The following UNKL variants were observed in gnomAD, a reference collection of about 807,000 sequenced individuals.
UNKL encodes unk like zinc finger.
UNKL carries 60 observed loss-of-function variants against 78.0 expected under a neutral mutation model. The observed-to-expected ratio is 0.77, with a 90% confidence interval of 0.63 to 0.95. The LOEUF is 0.95. Ranked by LOEUF, UNKL falls within the 40% of genes least tolerant of loss-of-function variation. UNKL has a pLI of 0.00. For synonymous variants in UNKL, 608 were observed against 474.8 expected (o/e 1.28, Z -3.65); for missense variants, 1,159 against 1,045.7 (o/e 1.11, Z -1.49).
chr16:1,372,853 C>T (rs1267423364), intron 10 of UNKL, among the ~76,000 whole-genome samples: 1 of 142,802 alleles, frequency 7.0e-6, no homozygotes, highest in African/African-American at 2.6e-5. Flanking sequence ...TGCCGGCCTA[C>T]ACTGCACAGA....
rs949724018 is a variant in UNKL, at chr16:1,372,482, C to T, written c.1265-871G>A. 2.6e-5 allele frequency among the ~76,000 whole-genome samples: 4 copies of T among 152,162 alleles called. No individual in the cohort carries two copies. The East Asian group carries it at 7.8e-4, about 30-fold the overall frequency. On this transcript the variant is annotated intron_variant, in intron 10 of 14. Coordinates refer to ENST00000389221, the MANE Select transcript of UNKL (RefSeq NM_001372107.1). Reference sequence around the variant, plus strand: ...CAGGCCGTGGGGCTGCCCTCCTGCACGGGCCCTTCCCTCCCAAGTCCCCAC... The same window carrying T: ...CAGGCCGTGGGGCTGCCCTCCTGCATGGGCCCTTCCCTCCCAAGTCCCCAC...
chr16:1,405,511 G>A (rs1396576209), intron 2 of UNKL, among the ~76,000 whole-genome samples: 1 of 151,952 alleles, frequency 6.6e-6, no homozygotes, highest in Non-Finnish European at 1.5e-5. Context: ...GGGAGGCGGG[G>A]GTTGCAGTGA....
At chr16:1,405,525 G>A (rs572463952) in intron 2 of UNKL, among the ~76,000 whole-genome samples, 93 of 151,786 alleles carry the variant, frequency 6.1e-4, no homozygotes, top group African/African-American at 1.9e-3. Context: ...GCAGTGAACC[G>A]AGATCGCGCC....
In UNKL at chr16:1,399,246, C is replaced by T; in HGVS notation, c.734+128G>A. ...AGCCACTGTGCTTGGAGATGCCCTC[C>T]CCTCCCGGGGATGATGGTGCCACAA... On this transcript the variant is annotated intron_variant, in intron 5 of 14. Transcript: ENST00000389221. The surrounding 1 kb of genome is among the most constrained non-coding windows in gnomAD (Gnocchi z 5.8). The T allele has an allele frequency of 7.2e-7, 1 of 1,394,838 alleles. No individual in the cohort carries two copies. The highest frequency in any genetic ancestry group is 9.4e-7 in the Non-Finnish European group (1 of 1,065,310). 86.4% of individuals were successfully genotyped at this position (1,394,838 alleles called of 1,614,324 possible).
At position 1,401,586 on chromosome 16, in the gene UNKL, C is replaced by T. The variant is rs763363221; in HGVS notation, c.580G>A (p.Glu194Lys). Reference sequence around the variant, plus strand: ...GAGTTACCTTGCCACCGGGGGTCCTCGCTCAGGATCTTCTCAATCATGGCC... The same window carrying T: ...GAGTTACCTTGCCACCGGGGGTCCTTGCTCAGGATCTTCTCAATCATGGCC... ...SQAMIEKILS[E>K]DPRWQDANFV... is the part of the protein sequence containing the mutation. Residue 194 changes from glutamate (E) to lysine (K), a missense_variant, in exon 4 of 15, where the codon GAG (glutamate) becomes AAG (lysine). Physicochemically the swap from Glu to Lys is moderately conservative, Grantham distance 56. Transcript: ENST00000389221. 2.5e-6 allele frequency: 4 copies of T among 1,594,000 alleles called. No individual in the cohort carries two copies. Among genetic ancestry groups the T allele is most frequent in the African/African-American group, 2.7e-5 (2 of 74,328 alleles).
chr16:1,394,734 A>AC (rs1254849559), intron 6 of UNKL, among the ~76,000 whole-genome samples: 8 of 152,046 alleles, frequency 5.3e-5, no homozygotes, highest in Non-Finnish European at 1.2e-4. Context: ...TCCGTAAAGG[A>AC]CACGGCACCT....
At chr16:1,412,783 C>T (rs544219295) in intron 2 of UNKL, among the ~76,000 whole-genome samples, 51 of 152,262 alleles carry the variant, frequency 3.3e-4, no homozygotes, top group African/African-American at 1.2e-3. Context: ...CCTGGCCGGG[C>T]GCAGTGGATC....
intron 3 of UNKL, among the ~76,000 whole-genome samples, chr16:1,402,897 CAGG>C (rs2037591160): frequency 6.6e-6 from 1 of 151,756 alleles, no homozygotes; most frequent in South Asian, 2.1e-4. Context: ...GCAGCGGAGG[CAGG>C]AGAATGGTGT....
At chr16:1,414,171 A>G in intron 1 of UNKL, 116 bp from the exon 2 acceptor site, 1 of 1,068,288 alleles carries the variant, frequency 9.4e-7, no homozygotes, top group Non-Finnish European at 1.3e-6. Flanking sequence ...ACCCGTACTC[A>G]CATTCCCGGC....
At chr16:1,390,384 C>G (rs9923746) in intron 9 of UNKL, among the ~76,000 whole-genome samples, 143,448 of 152,316 alleles carry the variant, frequency 0.94, 67,611 homozygotes, top group East Asian at 1. Context: ...TCCCCGAGCA[C>G]GATGTTGTGG....
chr16:1,383,676 A>G, intron 10 of UNKL: 1 of 413,026 alleles, frequency 2.4e-6, no homozygotes, highest in South Asian at 1.7e-5. Context: ...GTGTGGGGCA[A>G]CCACCAACGA....
chr16:1,401,375 G>T (rs1034247465), intron 4 of UNKL, 193 bp downstream of exon 4: 21 of 608,694 alleles, frequency 3.5e-5, no homozygotes, highest in Non-Finnish European at 5.1e-5. Flanking sequence ...GGGGGAAGGC[G>T]CCTGGGCCCA....
At chr16:1,389,910 T>G (rs751113477) in intron 9 of UNKL, among the ~76,000 whole-genome samples, 11 of 152,172 alleles carry the variant, frequency 7.2e-5, no homozygotes, top group Non-Finnish European at 1.3e-4. Context: ...CTCCAGCAAT[T>G]CTCTTGCCTC....
intron 12 of UNKL, 33 bp downstream of exon 12, chr16:1,370,097 G>A (rs563277448): frequency 1.7e-5 from 26 of 1,542,514 alleles, no homozygotes; most frequent in East Asian, 1.2e-4. Context: ...GAGGCTTCAC[G>A]GCAACGCCAG....
rs2035352183 is a variant in UNKL at position 1,367,251 on chromosome 16, C to T, written c.1887G>A (p.Val629=). ...RQLALQKKEE[V]EAQVKQLQEE... is the part of the protein sequence containing the mutation. ...CCTGCAGCTGCTTCACCTGTGCCTCCACCTCCTCCTTCTTCTGCAGCGCCA... is the reference window on the plus strand; with the variant it reads ...CCTGCAGCTGCTTCACCTGTGCCTCTACCTCCTCCTTCTTCTGCAGCGCCA... The change falls in exon 14 of 15, where the codon GTG becomes GTA. Residue 629 remains valine (V), a synonymous_variant. Transcript: ENST00000389221. The T allele has an allele frequency of 3.1e-6, 5 of 1,589,812 alleles. No individual in the cohort carries two copies. The highest frequency in any genetic ancestry group is 2.7e-5 in the African/African-American group (2 of 74,338).
rs930309337 is a variant in UNKL at position 1,383,491 on chromosome 16, G to A, written c.1264+1717C>T. On this transcript the variant is annotated intron_variant, in intron 10 of 14. Transcript: ENST00000389221. ...ACTGAGGACCGTCCTGGGGCCTCAGGAGCTGCACCTGGCTTTCCTCGCAGA... is the reference window on the plus strand; with the variant it reads ...ACTGAGGACCGTCCTGGGGCCTCAGAAGCTGCACCTGGCTTTCCTCGCAGA... 3.9e-5 allele frequency: 10 copies of A among 255,400 alleles called. 1 individual carries two copies. Among genetic ancestry groups the A allele is most frequent in the South Asian group, 1.5e-4 (4 of 26,192 alleles). The allele number at this position is 255,400 out of a possible 1,614,324, so 15.8% of individuals were successfully genotyped here. A position where few individuals can be genotyped will look rare whatever the true frequency, so the allele number is the denominator to read the frequency against.
At chr16:1,370,457 G>T in intron 11 of UNKL, 100 bp from the exon 12 acceptor site, 1 of 1,487,416 alleles carries the variant, frequency 6.7e-7, no homozygotes, top group South Asian at 1.3e-5. Context: ...TGCAGGTGGT[G>T]GTGGTGGGGA....
Position 1,392,972 on chromosome 16 carries a change from G to T in UNKL, c.942C>A (p.Ser314Arg). The part of the protein sequence containing the change: ...PFCAFAHVEK[S>R]LGMVNEWGCH... ...AGCCCCATTCATTCACCATCCCCAG[G>T]CTCTCTGCAAGGACAGGGGAGCAGC... The change falls in exon 8 of 15, where the codon AGC (serine) becomes AGA (arginine). Residue 314 changes from serine to arginine, a missense_variant. Ser to Arg is a moderately radical substitution (Grantham distance 110, BLOSUM62 -1). Transcript: ENST00000389221. The T allele has an allele frequency of 2.6e-6, 4 of 1,550,486 alleles. No individual in the cohort carries two copies. The highest frequency in any genetic ancestry group is 3.5e-6 in the Non-Finnish European group (4 of 1,146,988).
At chr16:1,378,644 C>T (rs1432144004) in intron 10 of UNKL, among the ~76,000 whole-genome samples, 1 of 152,190 alleles carries the variant, frequency 6.6e-6, no homozygotes, top group African/African-American at 2.4e-5. Flanking sequence ...AGGGCGTCAG[C>T]CACCACCTAC....
Sources: allele counts gnomAD v4.1 joint callset (sites outside exome capture counted in the v4.1 genomes callset), GRCh38; gene constraint gnomAD v4.1.1; non-coding constraint Gnocchi (gnomAD v3.1); transcripts MANE v1.5; gene names NCBI Gene and HGNC (gene_info 2026-07-23, HGNC 2026-07-21).